The following BIRC6 variants were observed in gnomAD, a reference collection of about 807,000 sequenced individuals.
BIRC6 encodes baculoviral IAP repeat containing 6.
In BIRC6, 98 loss-of-function variants were observed where a neutral mutation model predicts 503.3. The observed-to-expected ratio is 0.19, with a 90% CI of 0.17 to 0.23. The LOEUF (loss-of-function observed/expected upper bound fraction) is 0.23, where lower values mean the gene tolerates loss of function less well. Ranked by LOEUF, BIRC6 falls within the 10% of genes least tolerant of loss-of-function variation. The pLI, the probability that BIRC6 is intolerant of heterozygous loss-of-function variation, is 1.00. For synonymous variants in BIRC6, 2,240 were observed against 2,078.7 expected, an observed-to-expected ratio of 1.08 and a Z score of -2.11; for missense variants, 5,360 against 5,806.0, an observed-to-expected ratio of 0.92 and a Z score of 2.50.
rs1426555972 is a variant in BIRC6 at position 32,618,659 on chromosome 2, A to C, written c.*755A>C. ...TATTTGAAAAGGAATGGTCAATTTG[A>C]AAGTCATTCTAAACTGATTTTTTTT... is the stretch of plus-strand genomic sequence containing the variant. On this transcript the variant is annotated 3_prime_UTR_variant, in exon 74 of 74. Coordinates refer to ENST00000421745, the MANE Select transcript of BIRC6 (RefSeq NM_016252.4). 1 of 152,632 alleles carries C rather than the reference A, an allele frequency of 6.6e-6. No individual in the cohort carries two copies. The highest frequency in any genetic ancestry group is 1.9e-4 in the East Asian group (1 of 5,200). 9.5% of individuals were successfully genotyped at this position (152,632 alleles called of 1,614,324 possible).
intron 15 of BIRC6, among the ~76,000 whole-genome samples, chr2:32,437,316 C>A (rs1317499033): frequency 6.6e-6 from 1 of 151,986 alleles, no homozygotes; most frequent in Non-Finnish European, 1.5e-5. Flanking sequence ...TTAGAAATAT[C>A]AGTGGTAGGA....
At chr2:32,463,687 T>C (rs1396614065) in intron 24 of BIRC6, among the ~76,000 whole-genome samples, 1 of 152,216 alleles carries the variant, frequency 6.6e-6, no homozygotes, top group Non-Finnish European at 1.5e-5. Context: ...TTATATGGAG[T>C]ATAGTTCCTA....
chr2:32,507,591 T>C (rs986393434), intron 50 of BIRC6, among the ~76,000 whole-genome samples: 5 of 152,230 alleles, frequency 3.3e-5, no homozygotes, highest in Non-Finnish European at 2.9e-5. Flanking sequence ...TAGTAAACCA[T>C]AGCATATTAA....
chr2:32,380,011 A>C, intron 2 of BIRC6, 142 bp from the exon 3 acceptor site: 1 of 488,050 alleles, frequency 2.0e-6, no homozygotes, highest in Non-Finnish European at 3.4e-6. Context: ...TTAATTAAGT[A>C]GATTTGTTAA....
intron 66 of BIRC6, 99 bp from the exon 67 acceptor site, chr2:32,593,816 A>G (rs1464763681): frequency 2.8e-6 from 3 of 1,066,760 alleles, no homozygotes; most frequent in Non-Finnish European, 4.0e-6. Flanking sequence ...TGTGTGACAA[A>G]TGAAATGCAC....
chr2:32,472,644 C>G (rs2049232681), intron 32 of BIRC6, among the ~76,000 whole-genome samples: 1 of 151,710 alleles, frequency 6.6e-6, no homozygotes, highest in Non-Finnish European at 1.5e-5. Context: ...GGAAATATTC[C>G]AAAAAAGGAG....
In BIRC6 at chr2:32,414,893, T is replaced by A. The variant is rs751894365; in HGVS notation, c.1602T>A (p.Asp534Glu). ...VANVLEDTVK[D>E]LEELGANPCL... Reference sequence around the variant, plus strand: ...ATGTGCTTGAAGATACTGTTAAGGATCTTGAAGAACTTGGGGCAAATCCTT... The same window carrying A: ...ATGTGCTTGAAGATACTGTTAAGGAACTTGAAGAACTTGGGGCAAATCCTT... The change falls in exon 10 of 74, where the codon GAT becomes GAA. Residue 534 changes from aspartate (D) to glutamate (E), a missense_variant. By Grantham distance (45) the Asp-to-Glu change is conservative. This residue lies in a region of BIRC6 where 700 missense variants were observed against 739.3 expected (regional missense o/e 0.95). Transcript: ENST00000421745. 7 of 1,613,938 alleles carry A rather than the reference T, an allele frequency of 4.3e-6. No homozygotes were observed. The highest frequency in any genetic ancestry group is 1.1e-5 in the South Asian group (1 of 91,078).
intron 1 of BIRC6, among the ~76,000 whole-genome samples, chr2:32,362,128 C>G (rs533203728): frequency 3.3e-4 from 50 of 152,142 alleles, no homozygotes; most frequent in African/African-American, 1.1e-3. Flanking sequence ...TGGCTGTGTA[C>G]CATTTTGTAT....
chr2:32,435,381 A>G (rs1181884563), intron 13 of BIRC6, 115 bp from the exon 14 acceptor site: 1 of 1,166,824 alleles, frequency 8.6e-7, no homozygotes, highest in Non-Finnish European at 1.1e-6. Context: ...TTAACAGGAA[A>G]TTTTAGATTT....
chr2:32,601,523 G>T (rs926276700), intron 70 of BIRC6, among the ~76,000 whole-genome samples: 1 of 152,210 alleles, frequency 6.6e-6, no homozygotes, highest in Non-Finnish European at 1.5e-5. Context: ...GGAGGTTGCG[G>T]TGAGCCCAGA....
chr2:32,558,566 G>C (rs1431724175), intron 65 of BIRC6: 1 of 152,066 alleles, frequency 6.6e-6, no homozygotes, highest in Non-Finnish European at 1.5e-5. Flanking sequence ...TATTTCCACA[G>C]ATTAAACACA....
Position 32,396,198 on chromosome 2 carries a change from C to G in BIRC6, c.1034+605C>G, listed in dbSNP as rs564956274. ...TAAATCATTTAATTCTCATGTTTCC[C>G]TGTGAAGTAGGTACTATTGTAATCT... On this transcript the variant is annotated intron_variant, in intron 6 of 73. Transcript: ENST00000421745. Among the ~76,000 whole-genome samples the G allele has an allele frequency of 4.6e-5, 7 of 152,132 alleles. No homozygotes were observed. The East Asian group carries it at 1.4e-3, about 29-fold the overall frequency.
intron 9 of BIRC6, 136 bp downstream of exon 9, chr2:32,406,693 T>G: frequency 1.8e-6 from 1 of 563,236 alleles, no homozygotes; most frequent in Non-Finnish European, 3.1e-6. Flanking sequence ...AAGACTGAAA[T>G]ATTGTGTGTC....
chr2:32,513,009 A>G lies in BIRC6; in HGVS notation c.10423A>G (p.Met3475Val), dbSNP rs1016618109. The stretch of plus-strand genomic sequence containing the variant: ...GAAGAGAAGTGGCAGGATGAACTAC[A>G]TGTGTCCTAACTCCTCAACAGTAGA... Reference protein sequence around the residue: ...AMKRSGRMNYMCPNSSTVEYG... With the variant: ...AMKRSGRMNYVCPNSSTVEYG... Residue 3475 changes from methionine (M) to valine (V), a missense_variant, in exon 54 of 74, where the codon ATG (methionine) becomes GTG (valine). This residue lies in a region of BIRC6 where 878 missense variants were observed against 928.9 expected (regional missense o/e 0.95). Coordinates refer to ENST00000421745, the MANE Select transcript of BIRC6 (RefSeq NM_016252.4). The G allele has an allele frequency of 5.6e-6, 9 of 1,613,812 alleles. No individual in the cohort carries two copies. The highest frequency in any genetic ancestry group is 7.6e-6 in the Non-Finnish European group (9 of 1,179,856).
chr2:32,550,250 A>T (rs1207408463), intron 65 of BIRC6, among the ~76,000 whole-genome samples: 1 of 152,192 alleles, frequency 6.6e-6, no homozygotes, highest in Admixed American at 6.5e-5. Flanking sequence ...TAGATAAGGG[A>T]AACAATGGAA....
chr2:32,489,479 A>G (rs556713900), intron 42 of BIRC6, among the ~76,000 whole-genome samples: 3 of 151,748 alleles, frequency 2.0e-5, no homozygotes, highest in African/African-American at 4.8e-5. Flanking sequence ...TTTTATTATG[A>G]GAAATATTAA....
intron 65 of BIRC6, among the ~76,000 whole-genome samples, chr2:32,572,784 T>G (rs940688627): frequency 6.6e-6 from 1 of 152,236 alleles, no homozygotes; most frequent in Non-Finnish European, 1.5e-5. Flanking sequence ...CCCTGTCCTC[T>G]GCATCATCAC....
rs760890769 is a variant in BIRC6, at chr2:32,479,610, C to T, written c.7401C>T (p.Asp2467=). The T allele has an allele frequency of 2.5e-6, 4 of 1,601,744 alleles. No individual in the cohort carries two copies. The highest frequency in any genetic ancestry group is 1.1e-5 in the South Asian group (1 of 89,350). Residue 2467 remains aspartate (D), a synonymous_variant, in exon 37 of 74, where the codon GAC becomes GAT. Coordinates refer to ENST00000421745, the MANE Select transcript of BIRC6 (RefSeq NM_016252.4). The stretch of plus-strand genomic sequence containing the variant: ...CTATAGATGAACCTTTGACACATGA[C>T]ATAACAGGTAAAGTTTTACATTATG... ...LETIDEPLTH[D]ITGAPPLSSL...
rs563077348 is a variant in BIRC6 at position 32,525,691 on chromosome 2, G to A, written c.11920+63G>A. 2.9e-5 allele frequency: 44 copies of A among 1,497,366 alleles called. No individual in the cohort carries two copies. The African/African-American group carries it at 5.7e-4, about 19-fold the overall frequency. 92.8% of individuals were successfully genotyped at this position (1,497,366 alleles called of 1,614,324 possible). On this transcript the variant is annotated intron_variant, in intron 59 of 73. Coordinates refer to ENST00000421745, the MANE Select transcript of BIRC6 (RefSeq NM_016252.4). Reference sequence around the variant, plus strand: ...AGTAGCCTTAAAACTATGTAAATCAGAGGCACAGTCACCAAAATCATTTTA... The same window carrying A: ...AGTAGCCTTAAAACTATGTAAATCAAAGGCACAGTCACCAAAATCATTTTA...
Sources: gnomAD v4.1 joint callset for allele counts (sites outside exome capture counted in the v4.1 genomes callset) on GRCh38, gnomAD v4.1.1 for gene constraint, gnomAD v4.1.1 regional missense constraint, MANE v1.5 for transcripts, NCBI Gene and HGNC (gene_info 2026-07-23, HGNC 2026-07-21) for gene names.